CNBD1: variants seen among roughly 807,000 people sequenced by gnomAD.
CNBD1 encodes the protein cyclic nucleotide-binding domain-containing protein 1.
Under a neutral mutation model 54.4 loss-of-function variants are expected in CNBD1, and 71 were observed. That is an observed-to-expected ratio of 1.30 (90% confidence interval 1.08 to 1.59). The LOEUF (loss-of-function observed/expected upper bound fraction) is 1.59. Among genes scored for constraint, CNBD1 ranks in the 40% most tolerant of loss-of-function variants. The pLI, the probability that CNBD1 is intolerant of heterozygous loss-of-function variation, is 0.00. For missense variants in CNBD1, 659 were observed against 518.0 expected (o/e 1.27, Z -2.64); for synonymous variants, 182 against 170.7 (o/e 1.07, Z -0.51).
intron 4 of CNBD1, among the ~76,000 whole-genome samples, chr8:87,185,848 C>T (rs1047062140): frequency 1.3e-5 from 2 of 152,082 alleles, no homozygotes; most frequent in Non-Finnish European, 2.9e-5. Context: ...GAACTCTGAC[C>T]CACGTAAGTT....
intron 4 of CNBD1, among the ~76,000 whole-genome samples, chr8:87,100,404 G>C (rs1811407095): frequency 6.6e-6 from 1 of 152,224 alleles, no homozygotes; most frequent in Non-Finnish European, 1.5e-5. Context: ...AATGAGGTGT[G>C]TGTGTTTGCT....
chr8:86,925,811 G>A (rs912389096), intron 3 of CNBD1, among the ~76,000 whole-genome samples: 2 of 151,752 alleles, frequency 1.3e-5, no homozygotes, highest in Admixed American at 6.6e-5. Context: ...TCCTGCTGGT[G>A]GGTTCGTAGT....
At chr8:86,974,051 T>G (rs987998203) in intron 4 of CNBD1, among the ~76,000 whole-genome samples, 6 of 152,082 alleles carry the variant, frequency 3.9e-5, no homozygotes, top group African/African-American at 7.2e-5. Flanking sequence ...AAACGGTTAC[T>G]AAGAGGATGG....
chr8:86,884,557 G>A (rs1312022337), intron 1 of CNBD1, among the ~76,000 whole-genome samples: 2 of 152,092 alleles, frequency 1.3e-5, no homozygotes, highest in East Asian at 3.9e-4. Context: ...GATAGGTTTA[G>A]ACTTATTTTA....
intron 2 of CNBD1, among the ~76,000 whole-genome samples, chr8:87,404,999 G>C (rs564257325): frequency 6.6e-6 from 1 of 152,144 alleles, no homozygotes; most frequent in East Asian, 1.9e-4. Flanking sequence ...CTGGGAAGCA[G>C]CAAGAAAGAT....
intron 8 of CNBD1, among the ~76,000 whole-genome samples, chr8:87,342,559 A>AT (rs1165897681): frequency 6.6e-6 from 1 of 152,196 alleles, no homozygotes; most frequent in Non-Finnish European, 1.5e-5. Context: ...ATATTTCAAC[A>AT]TAGTTTCTTT....
At chr8:86,988,459 T>A (rs935045396) in intron 4 of CNBD1, among the ~76,000 whole-genome samples, 2 of 152,162 alleles carry the variant, frequency 1.3e-5, no homozygotes, top group African/African-American at 4.8e-5. Context: ...TACATAATAA[T>A]CATATCAGAG....
chr8:86,902,766 T>C (rs1253152551), intron 2 of CNBD1, among the ~76,000 whole-genome samples: 2 of 152,108 alleles, frequency 1.3e-5, no homozygotes, highest in African/African-American at 4.8e-5. Context: ...CAGGACAGAA[T>C]TGAAGGGTCA....
At chr8:87,417,784 G>C (rs1807860568) in intron 2 of CNBD1, among the ~76,000 whole-genome samples, 3 of 151,740 alleles carry the variant, frequency 2.0e-5, no homozygotes, top group South Asian at 4.2e-4. Flanking sequence ...AAATCATACT[G>C]TATACTTAGT....
At chr8:87,305,781 A>G (rs1388554245) in intron 8 of CNBD1, among the ~76,000 whole-genome samples, 2 of 152,220 alleles carry the variant, frequency 1.3e-5, no homozygotes, top group East Asian at 1.9e-4. Flanking sequence ...CATAAACCTA[A>G]GACTTGAAAC....
At chr8:86,925,018 G>A (rs1809334614) in intron 3 of CNBD1, among the ~76,000 whole-genome samples, 3 of 152,188 alleles carry the variant, frequency 2.0e-5, no homozygotes, top group East Asian at 1.9e-4. Context: ...AGTAGAAACC[G>A]GGGAAATATT....
chr8:87,426,256 G>A (rs935555752), intron 2 of CNBD1, among the ~76,000 whole-genome samples: 1 of 152,194 alleles, frequency 6.6e-6, no homozygotes, highest in Non-Finnish European at 1.5e-5. Flanking sequence ...ACCTCAGATG[G>A]AAATGCAGAA....
intron 4 of CNBD1, among the ~76,000 whole-genome samples, chr8:87,000,761 TATGGCATTTATTGTTACATTACAG>T (rs1808974548): frequency 1.3e-5 from 2 of 152,190 alleles, no homozygotes; most frequent in Admixed American, 1.3e-4. Context: ...TCCATCATCT[TATGGCATTTATTGTTACATTACAG>T]ATTTGATGTC....
chr8:86,935,619 C>T (rs1020552144), intron 3 of CNBD1, among the ~76,000 whole-genome samples: 1 of 151,916 alleles, frequency 6.6e-6, no homozygotes, highest in African/African-American at 2.4e-5. Context: ...TAATTTATGT[C>T]TGCCTTTTCT....
intron 4 of CNBD1, among the ~76,000 whole-genome samples, chr8:87,094,571 AT>A (rs1430135853): frequency 1.3e-5 from 2 of 151,902 alleles, no homozygotes; most frequent in East Asian, 3.9e-4. Flanking sequence ...CTAATTTATT[AT>A]ACTTTCAAAC....
chr8:87,191,616 C>T (rs2130786203), intron 4 of CNBD1, among the ~76,000 whole-genome samples: 1 of 152,212 alleles, frequency 6.6e-6, no homozygotes, highest in South Asian at 2.1e-4. Context: ...TTTTAAGGAT[C>T]CAGTTTAGGG....
At chr8:87,108,638 C>A (rs1436555161) in intron 4 of CNBD1, among the ~76,000 whole-genome samples, 1 of 152,160 alleles carries the variant, frequency 6.6e-6, no homozygotes, top group Non-Finnish European at 1.5e-5. Context: ...GGTTTTAAGG[C>A]TTTTCACTAT....
intron 10 of CNBD1, among the ~76,000 whole-genome samples, chr8:87,381,156 C>G (rs909832980): frequency 6.6e-6 from 1 of 151,898 alleles, no homozygotes; most frequent in African/African-American, 2.4e-5. Context: ...GATTAATCTC[C>G]AAAATATATA....
chr8:86,971,875 A>G (rs1271378759), intron 4 of CNBD1, among the ~76,000 whole-genome samples: 1 of 152,162 alleles, frequency 6.6e-6, no homozygotes, highest in African/African-American at 2.4e-5. Context: ...TTAAGTAAAC[A>G]ATGCAATCTG....
Sources: gnomAD v4.1 joint callset for allele counts (sites outside exome capture counted in the v4.1 genomes callset) on GRCh38, gnomAD v4.1.1 for gene constraint, MANE v1.5 for transcripts, NCBI Gene and HGNC (gene_info 2026-07-23, HGNC 2026-07-21) for gene names.